Variants in ARHGAP19 observed in about 807,000 individuals in gnomAD.
ARHGAP19 encodes the protein Rho GTPase activating protein 19, also known as rho GTPase-activating protein 19.
In ARHGAP19, 48 loss-of-function variants were observed where a neutral mutation model predicts 60.9. The ratio of observed to expected loss-of-function variants is 0.79; its 90% CI spans 0.62 to 1.00. The LOEUF (loss-of-function observed/expected upper bound fraction) is 1.00, where lower values mean the gene tolerates loss of function less well. Among genes scored for constraint, ARHGAP19 ranks in the 50% least tolerant of loss-of-function variants. ARHGAP19 has a pLI of 0.00. For missense variants in ARHGAP19, 562 were observed against 597.2 expected (o/e 0.94, Z 0.61); for synonymous variants, 209 against 215.5 (o/e 0.97, Z 0.27).
chr10:97,251,395 A>G (rs1262733468), intron 6 of ARHGAP19, among the ~76,000 whole-genome samples: 1 of 12,026 alleles, frequency 8.3e-5, no homozygotes. Context: ...AGGGGAAGGG[A>G]AGGGGAAGGG....
At chr10:97,282,255 T>C (rs1247449998) in intron 1 of ARHGAP19, among the ~76,000 whole-genome samples, 1 of 152,192 alleles carries the variant, frequency 6.6e-6, no homozygotes, top group African/African-American at 2.4e-5. Flanking sequence ...ATCCTAAAAT[T>C]GCTAAGCTGG....
rs180948025 is a variant in ARHGAP19 at position 97,270,408 on chromosome 10, G to C, written c.57-4283C>G. ...CTTAAAGTTATTCCCATATCACAAA[G>C]CCCACTAATCCCTTTCCAAAGAATA... On this transcript the variant is annotated intron_variant, in intron 1 of 11. Transcript: ENST00000358531. Among the ~76,000 whole-genome samples, 724 of 152,150 alleles carry C rather than the reference G, an allele frequency of 4.8e-3. 2 individuals are homozygous for C. The highest frequency in any genetic ancestry group is 8.4e-3 in the Non-Finnish European group (574 of 68,002).
At position 97,224,385 on chromosome 10, in the gene ARHGAP19, A is replaced by G. The variant is rs1416673382; in HGVS notation, c.*1737T>C. On this transcript the variant is annotated 3_prime_UTR_variant, in exon 12 of 12. Transcript: ENST00000358531. ...GAAACCTACGCAAACGAATTTGCTA[A>G]TATGTGTTTTTACAAATGACATAAA... 2 of 152,256 alleles carry G rather than the reference A, an allele frequency of 1.3e-5. No individual in the cohort carries two copies. The highest frequency in any genetic ancestry group is 2.9e-5 in the Non-Finnish European group (2 of 68,050). 9.4% of individuals were successfully genotyped at this position (152,256 alleles called of 1,614,324 possible).
At chr10:97,249,998 A>G (rs956303735) in intron 6 of ARHGAP19, among the ~76,000 whole-genome samples, 11 of 151,898 alleles carry the variant, frequency 7.2e-5, no homozygotes, top group African/African-American at 2.7e-4. Context: ...GTTAGCCAGG[A>G]TGGTCTCGAT....
intron 10 of ARHGAP19, 92 bp from the exon 11 acceptor site, chr10:97,229,317 A>G: frequency 1.8e-6 from 2 of 1,099,298 alleles, no homozygotes; most frequent in Non-Finnish European, 1.4e-6. Context: ...GTTCAATTTC[A>G]ATGTGAAGAG....
At chr10:97,252,677 A>C (rs1842702293) in intron 6 of ARHGAP19, among the ~76,000 whole-genome samples, 1 of 152,136 alleles carries the variant, frequency 6.6e-6, no homozygotes, top group Non-Finnish European at 1.5e-5. Context: ...GGATGTGAAG[A>C]AAAGGGAACT....
chr10:97,245,589 C>G (rs547390611), intron 7 of ARHGAP19, among the ~76,000 whole-genome samples: 1 of 115,346 alleles, frequency 8.7e-6, no homozygotes, highest in South Asian at 3.4e-4. Context: ...GAGCGAAACC[C>G]TATCTCAAAA....
intron 1 of ARHGAP19, among the ~76,000 whole-genome samples, chr10:97,274,821 T>C (rs1439595170): frequency 6.6e-6 from 1 of 151,976 alleles, no homozygotes; most frequent in African/African-American, 2.4e-5. Context: ...CATACAGAAA[T>C]AACAAGGGCT....
intron 1 of ARHGAP19, among the ~76,000 whole-genome samples, chr10:97,272,385 T>G (rs1452595520): frequency 6.6e-6 from 1 of 152,118 alleles, no homozygotes; most frequent in Non-Finnish European, 1.5e-5. Flanking sequence ...TCTGCCCGCC[T>G]TGGTATCCCA....
chr10:97,239,942 G>A (rs1246048099), intron 8 of ARHGAP19, among the ~76,000 whole-genome samples: 1 of 151,774 alleles, frequency 6.6e-6, no homozygotes, highest in East Asian at 1.9e-4. Context: ...CCCGACCTCA[G>A]GTGACCGGCC....
At chr10:97,227,576 T>TA (rs977203097) in intron 11 of ARHGAP19, among the ~76,000 whole-genome samples, 1 of 152,150 alleles carries the variant, frequency 6.6e-6, no homozygotes, top group Non-Finnish European at 1.5e-5. Flanking sequence ...TGTAGCATCA[T>TA]AACACCAGGA....
intron 6 of ARHGAP19, among the ~76,000 whole-genome samples, chr10:97,249,127 G>C (rs909183056): frequency 6.6e-6 from 1 of 152,098 alleles, no homozygotes; most frequent in Non-Finnish European, 1.5e-5. Context: ...GAGAGAATGA[G>C]ACAAAGAAAA....
At chr10:97,235,426 G>A (rs931537266) in intron 8 of ARHGAP19, 111 bp from the exon 9 acceptor site, 18 of 904,184 alleles carry the variant, frequency 2.0e-5, no homozygotes, top group African/African-American at 1.4e-4. Flanking sequence ...CTGAGTCTGC[G>A]CATAGATGGA....
At chr10:97,236,259 G>C (rs373954468) in intron 8 of ARHGAP19, among the ~76,000 whole-genome samples, 12 of 152,240 alleles carry the variant, frequency 7.9e-5, no homozygotes, top group Admixed American at 7.2e-4. Context: ...TTACAGGCGT[G>C]AGACACCACA....
intron 1 of ARHGAP19, chr10:97,270,731 G>A: frequency 4.7e-6 from 7 of 1,495,050 alleles, no homozygotes; most frequent in Non-Finnish European, 6.3e-6. Context: ...GCAAATTCCA[G>A]ACATGTTAGA....
chr10:97,267,338 T>C (rs812089), intron 1 of ARHGAP19, among the ~76,000 whole-genome samples: 142,928 of 152,290 alleles, frequency 0.94, 67,720 homozygotes, highest in East Asian at 1. Context: ...GGCAGCTCTG[T>C]CCCTGTGGCT....
rs141357224 is a variant in ARHGAP19, at chr10:97,273,886, A to C, written c.57-7761T>G. Among the ~76,000 whole-genome samples the C allele has an allele frequency of 6.1e-4, 92 of 151,980 alleles. 1 individual carries two copies. The East Asian group carries it at 0.015, about 24-fold the overall frequency. On this transcript the variant is annotated intron_variant, in intron 1 of 11. Coordinates refer to ENST00000358531, the MANE Select transcript of ARHGAP19 (RefSeq NM_032900.6). ...ATTTGTAATGGAATATTACACAGTA[A>C]TGAAAATGGACAGACTCTAGCTATA...
At chr10:97,279,675 T>C (rs1304773732) in intron 1 of ARHGAP19, among the ~76,000 whole-genome samples, 1 of 152,106 alleles carries the variant, frequency 6.6e-6, no homozygotes, top group Non-Finnish European at 1.5e-5. Flanking sequence ...TTTTATTATT[T>C]GTAGACACAA....
At chr10:97,291,992 T>C (rs1843241019) in intron 1 of ARHGAP19, among the ~76,000 whole-genome samples, 1 of 152,172 alleles carries the variant, frequency 6.6e-6, no homozygotes, top group African/African-American at 2.4e-5. Context: ...AGAAAATCTA[T>C]TGCGTAGAGT....
Sources: allele counts gnomAD v4.1 joint callset (sites outside exome capture counted in the v4.1 genomes callset), GRCh38; gene constraint gnomAD v4.1.1; transcripts MANE v1.5; gene names NCBI Gene and HGNC (gene_info 2026-07-23, HGNC 2026-07-21).